The following HYAL4 variants were observed in gnomAD, a reference collection of about 807,000 sequenced individuals.
HYAL4 encodes the protein hyaluronidase 4, also known as hyaluronidase-4.
In HYAL4, 37 loss-of-function variants were observed where a neutral mutation model predicts 35.2. That is an observed-to-expected ratio of 1.05 (90% CI 0.81 to 1.38). The LOEUF (loss-of-function observed/expected upper bound fraction) is 1.38, where lower values mean the gene tolerates loss of function less well. HYAL4 is among the 40% of genes most tolerant of loss of function. The pLI is 0.00. For missense variants in HYAL4, 572 were observed against 572.4 expected, an observed-to-expected ratio of 1.00 and a Z score of 0.01; for synonymous variants, 198 against 203.2, an observed-to-expected ratio of 0.97 and a Z score of 0.22.
At chr7:123,777,729 G>C in the HYAL4 span, among the ~76,000 whole-genome samples, 1 of 151,908 alleles carries the variant, frequency 6.6e-6, no homozygotes, top group African/African-American at 2.4e-5. Flanking sequence ...CTTTTAGATG[G>C]TGTCCTAGAT....
chr7:123,780,434 A>G, the HYAL4 span, among the ~76,000 whole-genome samples: 1 of 152,228 alleles, frequency 6.6e-6, no homozygotes, highest in African/African-American at 2.4e-5. Flanking sequence ...AATGTACAGA[A>G]AAGACTGACA....
At chr7:123,793,738 T>C in the HYAL4 span, among the ~76,000 whole-genome samples, 1 of 152,198 alleles carries the variant, frequency 6.6e-6, no homozygotes, top group Non-Finnish European at 1.5e-5. Flanking sequence ...AAATCTCTTT[T>C]CTTTATAAAT....
chr7:123,873,968 C>T (rs566719659), intron 3 of HYAL4, among the ~76,000 whole-genome samples: 2 of 152,086 alleles, frequency 1.3e-5, no homozygotes, highest in African/African-American at 2.4e-5. Flanking sequence ...AAGCCCTTAA[C>T]GTTGCTTCTT....
chr7:123,764,654 G>C, the HYAL4 span, among the ~76,000 whole-genome samples: 1 of 152,198 alleles, frequency 6.6e-6, no homozygotes, highest in African/African-American at 2.4e-5. Context: ...AACTTTCCTT[G>C]TAGCTCTCTA....
Position 123,876,951 on chromosome 7 carries a change from G to T in HYAL4, c.1242G>T (p.Glu414Asp). ...SYHIEASEDG[E>D]FTVKGKASDT... is the part of the protein sequence containing the mutation. ...ACATAGAGGCCTCTGAGGACGGGGAGTTTACTGTGAAAGGAAAAGCATCTG... is the reference window on the plus strand; with the variant it reads ...ACATAGAGGCCTCTGAGGACGGGGATTTTACTGTGAAAGGAAAAGCATCTG... The change falls in exon 5 of 5, where the codon GAG (glutamate) becomes GAT (aspartate). Residue 414 changes from glutamate (E) to aspartate (D), a missense_variant. Coordinates refer to ENST00000223026, the MANE Select transcript of HYAL4 (RefSeq NM_012269.3). The T allele has an allele frequency of 6.2e-7, 1 of 1,614,202 alleles. No homozygotes were observed.
rs764235428 is a variant in HYAL4, at chr7:123,868,917, G to C, written c.644G>C (p.Trp215Ser). 5.6e-6 allele frequency: 9 copies of C among 1,614,098 alleles called. No homozygotes were observed. Among genetic ancestry groups the C allele is most frequent in the South Asian group, 1.1e-5 (1 of 91,066 alleles). Reference sequence around the variant, plus strand: ...ATTAAGAGCCGACCCAAAGGCCTTTGGGGTTATTATTTATATCCTGATTGC... The same window carrying C: ...ATTAAGAGCCGACCCAAAGGCCTTTCGGGTTATTATTTATATCCTGATTGC... ...LGIKSRPKGL[W>S]GYYLYPDCHN... Residue 215 changes from tryptophan to serine, a missense_variant, in exon 3 of 5, where the codon TGG becomes TCG. Physicochemically the swap from Trp to Ser is radical, Grantham distance 177. Coordinates refer to ENST00000223026, the MANE Select transcript of HYAL4 (RefSeq NM_012269.3).
the HYAL4 span, among the ~76,000 whole-genome samples, chr7:123,771,277 C>T: frequency 6.6e-6 from 1 of 152,174 alleles, no homozygotes; most frequent in South Asian, 2.1e-4. Flanking sequence ...ATTATTTCCT[C>T]ACTATTCACT....
At chr7:123,818,003 G>A in the HYAL4 span, among the ~76,000 whole-genome samples, 1 of 151,708 alleles carries the variant, frequency 6.6e-6, no homozygotes, top group African/African-American at 2.4e-5. Flanking sequence ...TCAGCCTCCC[G>A]AGTAGCTGGG....
upstream of HYAL4, among the ~76,000 whole-genome samples, chr7:123,827,050 G>A (rs1160369332): frequency 6.6e-6 from 1 of 152,084 alleles, no homozygotes; most frequent in Non-Finnish European, 1.5e-5. Context: ...CAAGTAAATA[G>A]GTGGGTATAT....
chr7:123,801,082 A>G, the HYAL4 span, among the ~76,000 whole-genome samples: 1 of 152,160 alleles, frequency 6.6e-6, no homozygotes, highest in Admixed American at 6.5e-5. Flanking sequence ...TTGGAGGCCA[A>G]GGTGGGCTGA....
chr7:123,801,387 A>G, the HYAL4 span, among the ~76,000 whole-genome samples: 131 of 152,316 alleles, frequency 8.6e-4, 2 homozygotes, highest in South Asian at 8.5e-3. Flanking sequence ...CATGTACTTT[A>G]ATATTCAATC....
At chr7:123,786,723 T>TATCTATCG in the HYAL4 span, among the ~76,000 whole-genome samples, 1 of 151,574 alleles carries the variant, frequency 6.6e-6, no homozygotes, top group South Asian at 2.1e-4. Flanking sequence ...GCTATCTATC[T>TATCTATCG]ATCTATCTAT....
At chr7:123,812,569 A>G in the HYAL4 span, among the ~76,000 whole-genome samples, 1 of 152,182 alleles carries the variant, frequency 6.6e-6, no homozygotes, top group Non-Finnish European at 1.5e-5. Context: ...TAGAAGAGGA[A>G]ATTTGTAACA....
At chr7:123,804,011 T>C in the HYAL4 span, among the ~76,000 whole-genome samples, 2 of 152,222 alleles carry the variant, frequency 1.3e-5, no homozygotes, top group East Asian at 1.9e-4. Flanking sequence ...TTACTCCACA[T>C]AATATGTAGG....
chr7:123,764,232 C>T, the HYAL4 span, among the ~76,000 whole-genome samples: 1 of 152,198 alleles, frequency 6.6e-6, no homozygotes, highest in South Asian at 2.1e-4. Context: ...ACTTGAGCCT[C>T]CCAGTGCTGG....
intron 2 of HYAL4, among the ~76,000 whole-genome samples, chr7:123,853,405 C>G (rs1280177861): frequency 6.6e-6 from 1 of 152,068 alleles, no homozygotes; most frequent in Non-Finnish European, 1.5e-5. Context: ...GAGATACATT[C>G]CATTAATACC....
At chr7:123,822,490 T>A in the HYAL4 span, among the ~76,000 whole-genome samples, 1 of 152,228 alleles carries the variant, frequency 6.6e-6, no homozygotes, top group East Asian at 1.9e-4. Flanking sequence ...ATGTTGATTT[T>A]GTATCCTGCA....
At chr7:123,810,614 A>G in the HYAL4 span, among the ~76,000 whole-genome samples, 1,847 of 152,298 alleles carry the variant, frequency 0.012, 32 homozygotes, top group African/African-American at 0.042. Context: ...TGCTATTGAC[A>G]TGTCCCACCA....
chr7:123,813,979 C>T, the HYAL4 span, among the ~76,000 whole-genome samples: 503 of 152,202 alleles, frequency 3.3e-3, 2 homozygotes, highest in African/African-American at 0.011. Flanking sequence ...TCACATTTCA[C>T]TATAAATTGG....
Sources: gnomAD v4.1 joint callset for allele counts (sites outside exome capture counted in the v4.1 genomes callset) on GRCh38, gnomAD v4.1.1 for gene constraint, MANE v1.5 for transcripts, NCBI Gene and HGNC (gene_info 2026-07-23, HGNC 2026-07-21) for gene names.